The following NSD1 variants were observed in gnomAD, a reference collection of about 807,000 sequenced individuals.
NSD1 encodes the protein histone-lysine N-methyltransferase, H3 lysine-36 specific.
NSD1 carries 26 observed loss-of-function variants against 242.7 expected under a neutral mutation model. That is an observed-to-expected ratio of 0.11 (90% CI 0.08 to 0.15). NSD1 has a LOEUF of 0.15. Ranked by LOEUF, NSD1 falls within the 10% of genes least tolerant of loss-of-function variation. The probability of loss-of-function intolerance (pLI) is 1.00; values close to 1 mark genes in which losing one functional copy is unlikely to be tolerated. For missense variants in NSD1, 2,495 were observed against 3,272.8 expected (o/e 0.76, Z 5.80); for synonymous variants, 1,106 against 1,178.1 (o/e 0.94, Z 1.25).
chr5:177,149,792 C>T (rs1276343330), intron 2 of NSD1, among the ~76,000 whole-genome samples: 3 of 152,166 alleles, frequency 2.0e-5, no homozygotes, highest in Admixed American at 6.6e-5. Context: ...CGATAATGCT[C>T]CCTTGTCTGC....
At chr5:177,282,994 C>T (rs567084199) in intron 19 of NSD1, among the ~76,000 whole-genome samples, 50 of 152,234 alleles carry the variant, frequency 3.3e-4, no homozygotes, top group African/African-American at 1.2e-3. Context: ...CGTTCTGTCA[C>T]CCAGGCTGGA....
chr5:177,212,907 G>A (rs1044324573), intron 5 of NSD1, among the ~76,000 whole-genome samples: 6 of 152,136 alleles, frequency 3.9e-5, no homozygotes, highest in Non-Finnish European at 5.9e-5. Context: ...TGGGATACAG[G>A]CGTGAGCCAC....
chr5:177,212,481 C>A (rs1763429989), intron 5 of NSD1, among the ~76,000 whole-genome samples: 1 of 123,572 alleles, frequency 8.1e-6, no homozygotes, highest in South Asian at 2.4e-4. Flanking sequence ...CTCTTTCTCT[C>A]TCTCTCTTTT....
At chr5:177,136,138 C>A (rs1756310903) in intron 2 of NSD1, 108 bp downstream of exon 2, 2 of 940,354 alleles carry the variant, frequency 2.1e-6, no homozygotes, top group Non-Finnish European at 3.3e-6. Flanking sequence ...CAGTTCACAG[C>A]TGAAATCCTA....
chr5:177,200,470 G>T (rs897230476), intron 3 of NSD1, among the ~76,000 whole-genome samples: 1 of 152,120 alleles, frequency 6.6e-6, no homozygotes, highest in African/African-American at 2.4e-5. Flanking sequence ...CAGTTCAGTA[G>T]CATTAAGTAT....
chr5:177,274,103 G>A (rs1344004170), intron 17 of NSD1, among the ~76,000 whole-genome samples: 1 of 151,998 alleles, frequency 6.6e-6, no homozygotes, highest in Non-Finnish European at 1.5e-5. Context: ...GCAGTGAGCC[G>A]AGATCGTGCC....
intron 14 of NSD1, among the ~76,000 whole-genome samples, chr5:177,264,483 C>T (rs77467825): frequency 0.053 from 8,142 of 152,250 alleles, 233 homozygotes; most frequent in South Asian, 0.081. Flanking sequence ...ACTTTCTTCA[C>T]GTATGTCAAA....
At chr5:177,190,740 G>A (rs1407525681) in intron 2 of NSD1, among the ~76,000 whole-genome samples, 1 of 150,936 alleles carries the variant, frequency 6.6e-6, no homozygotes, top group Non-Finnish European at 1.5e-5. Context: ...CGCCATCTCG[G>A]CTCACTGCAA....
Position 177,280,822 on chromosome 5 carries a change from A to T in NSD1, c.5880A>T (p.Thr1960=), listed in dbSNP as rs2127257644. The T allele has an allele frequency of 6.2e-7, 1 of 1,614,260 alleles. No individual in the cohort carries two copies. The highest frequency in any genetic ancestry group is 8.5e-7 in the Non-Finnish European group (1 of 1,180,052). Reference sequence around the variant, plus strand: ...GGGGTTGGGGTCTACGGACAAAAACAGATATTAAAAAGGTTAGAAAAAGCT... The same window carrying T: ...GGGGTTGGGGTCTACGGACAAAAACTGATATTAAAAAGGTTAGAAAAAGCT... ...LQRGWGLRTK[T]DIKKGEFVNE... is the part of the protein sequence containing the mutation. The change falls in exon 18 of 23, where the codon ACA becomes ACT. Residue 1960 remains threonine, a synonymous_variant. Coordinates refer to ENST00000439151, the MANE Select transcript of NSD1 (RefSeq NM_022455.5).
At position 177,134,392 on chromosome 5, in the gene NSD1, G is replaced by GGCA. The variant is rs1756124942; in HGVS notation, c.-18+446_-18+448dup. On this transcript the variant is annotated intron_variant, in intron 1 of 22. Coordinates refer to ENST00000439151, the MANE Select transcript of NSD1 (RefSeq NM_022455.5). This position sits in a 1 kb window ranked among gnomAD's most constrained non-coding sequence, Gnocchi z 4.2. ...GGCCCGGGCAGGCGGCGGCGGCGTC[G>GGCA]GCAGCAGCCATGTTTTTCGAGCTGT... 6.5e-6 allele frequency: 1 copy of GGCA among 153,268 alleles called. No individual in the cohort carries two copies. The highest frequency in any genetic ancestry group is 1.5e-5 in the Non-Finnish European group (1 of 68,448). The allele number at this position is 153,268 out of a possible 1,614,324, so 9.5% of individuals were successfully genotyped here. A position where few individuals can be genotyped will look rare whatever the true frequency, so the allele number is the denominator to read the frequency against.
In NSD1 at chr5:177,298,751, A is replaced by G. The variant is rs1760402231; in HGVS notation, c.*3292A>G. On this transcript the variant is annotated 3_prime_UTR_variant, in exon 23 of 23. Transcript: ENST00000439151. ...GCCGGACTCCCAGGTTGTAATTCTAATGTTGCCTCATGAGAACAGAATGGC... is the reference window on the plus strand; with the variant it reads ...GCCGGACTCCCAGGTTGTAATTCTAGTGTTGCCTCATGAGAACAGAATGGC... 4 of 233,166 alleles carry G rather than the reference A, an allele frequency of 1.7e-5. No homozygotes were observed. Among genetic ancestry groups the G allele is most frequent in the Non-Finnish European group, 3.4e-5 (4 of 118,048 alleles). 14.4% of individuals were successfully genotyped at this position (233,166 alleles called of 1,614,324 possible).
At chr5:177,280,961 T>C in intron 18 of NSD1, 127 bp downstream of exon 18, 1 of 1,053,116 alleles carries the variant, frequency 9.5e-7, no homozygotes, top group Non-Finnish European at 1.4e-6. Flanking sequence ...TATTGTTGTG[T>C]CTTGCCATAT....
intron 4 of NSD1, among the ~76,000 whole-genome samples, chr5:177,208,638 G>A (rs1052311649): frequency 2.1e-4 from 32 of 150,694 alleles, no homozygotes; most frequent in African/African-American, 7.1e-4. Context: ...AATGATTCTC[G>A]TGTCTTAGCC....
intron 16 of NSD1, among the ~76,000 whole-genome samples, chr5:177,270,781 T>C (rs1038098931): frequency 5.9e-5 from 9 of 152,306 alleles, no homozygotes; most frequent in Non-Finnish European, 1.0e-4. Flanking sequence ...GTAATGTCGA[T>C]AGGGAACAAG....
intron 9 of NSD1, among the ~76,000 whole-genome samples, 188 bp from the exon 10 acceptor site, chr5:177,246,490 A>T (rs1581429453): frequency 1.3e-5 from 2 of 152,352 alleles, no homozygotes; most frequent in East Asian, 3.9e-4. Flanking sequence ...AGTTACATAT[A>T]TGTAGCCATT....
In NSD1 at chr5:177,298,691, T is replaced by A; in HGVS notation, c.*3232T>A. On this transcript the variant is annotated 3_prime_UTR_variant, in exon 23 of 23. Transcript: ENST00000439151. ...GTCAGGGCATGAAACACCCTGTTGA[T>A]CCCTTCCCAGGCTCGGCACTGTCTG... The A allele has an allele frequency of 4.3e-6, 1 of 233,326 alleles. No homozygotes were observed. The highest frequency in any genetic ancestry group is 8.5e-6 in the Non-Finnish European group (1 of 118,048). 14.5% of individuals were successfully genotyped at this position (233,326 alleles called of 1,614,324 possible). A position where few individuals can be genotyped will look rare whatever the true frequency, so the allele number is the denominator to read the frequency against.
chr5:177,210,644 G>A lies in NSD1; in HGVS notation c.2245G>A (p.Asp749Asn). 6.2e-7 allele frequency: 1 copy of A among 1,614,096 alleles called. No individual in the cohort carries two copies. The highest frequency in any genetic ancestry group is 8.5e-7 in the Non-Finnish European group (1 of 1,180,004). Residue 749 changes from aspartate (D) to asparagine (N), a missense_variant, in exon 5 of 23, where the codon GAT becomes AAT. Physicochemically the swap from Asp to Asn is conservative, Grantham distance 23. Around this residue, in one of 19 missense-constraint regions of NSD1, gnomAD observed 515 missense variants for 467.0 expected, o/e 1.10. Transcript: ENST00000439151. The part of the protein sequence containing the change: ...VHKPQSDFTN[D>N]ALSPKFNLSS... ...CAAACCCCAGTCAGATTTTACAAATGATGCTCTCTCTCCAAAATTCAACCT... is the reference window on the plus strand; with the variant it reads ...CAAACCCCAGTCAGATTTTACAAATAATGCTCTCTCTCCAAAATTCAACCT...
chr5:177,158,473 G>C (rs1298506286), intron 2 of NSD1, among the ~76,000 whole-genome samples: 1 of 151,498 alleles, frequency 6.6e-6, no homozygotes, highest in Non-Finnish European at 1.5e-5. Flanking sequence ...AAGTAGCTTG[G>C]ACTACAGGCG....
chr5:177,260,609 A>G (rs1756927070), intron 14 of NSD1, among the ~76,000 whole-genome samples: 1 of 152,126 alleles, frequency 6.6e-6, no homozygotes, highest in Non-Finnish European at 1.5e-5. Flanking sequence ...CGGCCTCCCA[A>G]AGTGCTGGGA....
Sources: allele counts gnomAD v4.1 joint callset (sites outside exome capture counted in the v4.1 genomes callset), GRCh38; gene constraint gnomAD v4.1.1; regional missense constraint gnomAD v4.1.1; non-coding constraint Gnocchi (gnomAD v3.1); transcripts MANE v1.5; gene names NCBI Gene and HGNC (gene_info 2026-07-23, HGNC 2026-07-21).